Variants in HNF4G observed in about 807,000 individuals in gnomAD.
HNF4G encodes hepatocyte nuclear factor 4-gamma.
A neutral mutation model predicts 50.9 loss-of-function variants in HNF4G; 21 were observed. That is an observed-to-expected ratio of 0.41 (90% CI 0.29 to 0.59). The LOEUF (loss-of-function observed/expected upper bound fraction) is 0.59. Ranked by LOEUF, HNF4G falls within the 20% of genes least tolerant of loss-of-function variation. HNF4G has a pLI of 0.26. For synonymous variants in HNF4G, 198 were observed against 185.6 expected (o/e 1.07, Z -0.54); for missense variants, 527 against 559.4 (o/e 0.94, Z 0.58).
At chr8:75,558,479 G>C (rs374637955) in intron 6 of HNF4G, 39 bp from the exon 7 acceptor site, 32 of 1,578,294 alleles carry the variant, frequency 2.0e-5, no homozygotes, top group Non-Finnish European at 2.8e-5. Flanking sequence ...GAGACAGGTG[G>C]TTATTTTGTT....
chr8:75,498,773 A>G (rs1812848156), intron 2 of HNF4G, among the ~76,000 whole-genome samples: 1 of 152,132 alleles, frequency 6.6e-6, no homozygotes. Flanking sequence ...AATGCACACT[A>G]AAAGAATAAA....
At chr8:75,428,395 G>T (rs1347321486) in intron 1 of HNF4G, among the ~76,000 whole-genome samples, 1 of 152,076 alleles carries the variant, frequency 6.6e-6, no homozygotes, top group Admixed American at 6.6e-5. Context: ...TTTCCTAGGG[G>T]CAGTAATATG....
intron 2 of HNF4G, among the ~76,000 whole-genome samples, chr8:75,519,268 C>CGA (rs1378335388): frequency 3.3e-5 from 5 of 152,172 alleles, no homozygotes; most frequent in African/African-American, 1.2e-4. Flanking sequence ...TCGCTATTAG[C>CGA]ATTTTGGTCA....
At chr8:75,474,604 G>C (rs1240990023) in intron 1 of HNF4G, among the ~76,000 whole-genome samples, 1 of 151,998 alleles carries the variant, frequency 6.6e-6, no homozygotes, top group East Asian at 1.9e-4. Flanking sequence ...TTTTCCTTTT[G>C]GTTGGAGTTT....
chr8:75,502,745 C>G (rs1812964744), intron 2 of HNF4G, among the ~76,000 whole-genome samples: 1 of 151,954 alleles, frequency 6.6e-6, no homozygotes, highest in South Asian at 2.1e-4. Context: ...GTAATTTGAC[C>G]TAAAAAATTT....
At chr8:75,455,731 C>A (rs1410622244) in intron 1 of HNF4G, among the ~76,000 whole-genome samples, 1 of 152,020 alleles carries the variant, frequency 6.6e-6, no homozygotes, top group East Asian at 1.9e-4. Flanking sequence ...TGATTATTGC[C>A]TCTATATTTT....
At chr8:75,456,982 C>T (rs566088996) in intron 1 of HNF4G, among the ~76,000 whole-genome samples, 26 of 152,260 alleles carry the variant, frequency 1.7e-4, no homozygotes, top group African/African-American at 6.0e-4. Context: ...TCAGCTACAG[C>T]AATCCTTCTG....
chr8:75,493,223 A>G (rs1812677183), intron 2 of HNF4G, among the ~76,000 whole-genome samples: 1 of 152,128 alleles, frequency 6.6e-6, no homozygotes, highest in Non-Finnish European at 1.5e-5. Flanking sequence ...TTTAGAAAAG[A>G]CAGCAAGGTA....
intron 1 of HNF4G, among the ~76,000 whole-genome samples, chr8:75,434,675 A>AACACAC (rs36098920): frequency 0.021 from 3,117 of 145,754 alleles, 73 homozygotes; most frequent in African/African-American, 0.053. Flanking sequence ...CAACAAGGCC[A>AACACAC]ACACACACAC....
intron 2 of HNF4G, among the ~76,000 whole-genome samples, chr8:75,531,260 G>A (rs1419961393): frequency 6.6e-6 from 1 of 152,102 alleles, no homozygotes; most frequent in Non-Finnish European, 1.5e-5. Context: ...ATGAAGAAAT[G>A]TTAAGTACAG....
At chr8:75,530,794 C>CTTTT (rs71567126) in intron 2 of HNF4G, among the ~76,000 whole-genome samples, 1,641 of 132,116 alleles carry the variant, frequency 0.012, 66 homozygotes, top group African/African-American at 0.04. Context: ...GTTCAATGTG[C>CTTTT]TTTTTTTTTT....
chr8:75,495,195 T>A (rs746008144), intron 2 of HNF4G, among the ~76,000 whole-genome samples: 10 of 152,206 alleles, frequency 6.6e-5, no homozygotes, highest in Non-Finnish European at 1.3e-4. Context: ...TCTCATTGTG[T>A]CATCTTTGAA....
At chr8:75,435,212 T>C (rs1294971282) in intron 1 of HNF4G, among the ~76,000 whole-genome samples, 2 of 152,212 alleles carry the variant, frequency 1.3e-5, no homozygotes, top group Admixed American at 6.5e-5. Context: ...TAAATCATGA[T>C]CACAGGTTTA....
chr8:75,515,792 TTTCA>T (rs1281764301), intron 2 of HNF4G, among the ~76,000 whole-genome samples: 1 of 151,386 alleles, frequency 6.6e-6, no homozygotes, highest in Non-Finnish European at 1.5e-5. Flanking sequence ...TGAGATGGAA[TTTCA>T]TTCTTGTTGC....
At chr8:75,457,554 C>T (rs907666652) in intron 1 of HNF4G, among the ~76,000 whole-genome samples, 2 of 152,128 alleles carry the variant, frequency 1.3e-5, no homozygotes, top group Middle Eastern at 3.2e-3. Context: ...TAATGACATT[C>T]CCCTAGATTT....
chr8:75,535,622 T>C (rs1806443842), upstream of HNF4G, among the ~76,000 whole-genome samples: 1 of 151,884 alleles, frequency 6.6e-6, no homozygotes, highest in Non-Finnish European at 1.5e-5. Context: ...TAGTGAAAAA[T>C]AATCTCAAAG....
At chr8:75,442,340 T>C (rs1811307218) in intron 1 of HNF4G, among the ~76,000 whole-genome samples, 1 of 152,094 alleles carries the variant, frequency 6.6e-6, no homozygotes, top group South Asian at 2.1e-4. Flanking sequence ...TTCTTTTGCA[T>C]ATATATTTTA....
intron 1 of HNF4G, among the ~76,000 whole-genome samples, chr8:75,447,576 A>C (rs1287193564): frequency 6.6e-6 from 1 of 150,458 alleles, no homozygotes; most frequent in Non-Finnish European, 1.5e-5. Flanking sequence ...GAACTCAAAC[A>C]AATTTACAAG....
intron 2 of HNF4G, among the ~76,000 whole-genome samples, chr8:75,504,493 CAA>C (rs1813021984): frequency 1.4e-5 from 2 of 138,704 alleles, no homozygotes; most frequent in Non-Finnish European, 1.5e-5. Flanking sequence ...TATACACTTA[CAA>C]ACATATATAC....
Sources: allele counts gnomAD v4.1 joint callset (sites outside exome capture counted in the v4.1 genomes callset), GRCh38; gene constraint gnomAD v4.1.1; transcripts MANE v1.5; gene names NCBI Gene and HGNC (gene_info 2026-07-23, HGNC 2026-07-21).